The following AKAP6 variants were observed in gnomAD, a reference collection of about 807,000 sequenced individuals.
AKAP6 encodes the protein A-kinase anchoring protein 6.
A neutral mutation model predicts 188.5 loss-of-function variants in AKAP6; 58 were observed. The observed-to-expected ratio is 0.31, with a 90% CI of 0.25 to 0.38. The LOEUF is 0.38. AKAP6 is among the 10% of genes least tolerant of loss of function. AKAP6 has a pLI of 1.00. For missense variants in AKAP6, 2,710 were observed against 2,740.0 expected, an observed-to-expected ratio of 0.99 and a Z score of 0.24; for synonymous variants, 989 against 998.6, an observed-to-expected ratio of 0.99 and a Z score of 0.18.
At chr14:32,748,221 T>C (rs531157547) in intron 11 of AKAP6, among the ~76,000 whole-genome samples, 7 of 152,234 alleles carry the variant, frequency 4.6e-5, no homozygotes, top group Non-Finnish European at 1.0e-4. Context: ...ATGGGAACAG[T>C]GAATCTGATC....
intron 7 of AKAP6, among the ~76,000 whole-genome samples, chr14:32,666,611 A>G (rs1321452968): frequency 3.3e-5 from 5 of 152,064 alleles, no homozygotes; most frequent in Non-Finnish European, 7.4e-5. Context: ...ATCCAGGGGT[A>G]TATCATTCTT....
intron 1 of AKAP6, chr14:32,401,927 C>T (rs1889105073): frequency 6.6e-6 from 1 of 151,144 alleles, no homozygotes; most frequent in African/African-American, 2.4e-5. Context: ...GTTGAACTAG[C>T]TTAGCACCTC....
At chr14:32,593,011 AACACACACACACACACACACACACACAC>A (rs60277036) in intron 5 of AKAP6, among the ~76,000 whole-genome samples, 1 of 123,800 alleles carries the variant, frequency 8.1e-6, no homozygotes, top group Non-Finnish European at 1.7e-5. Flanking sequence ...CCCCCACCCC[AACACACACACACACACACACACACACAC>A]ACACACACAC....
At chr14:32,790,413 A>C (rs2033571909) in intron 12 of AKAP6, among the ~76,000 whole-genome samples, 1 of 152,124 alleles carries the variant, frequency 6.6e-6, no homozygotes, top group Non-Finnish European at 1.5e-5. Flanking sequence ...CCCAAGACAC[A>C]TAATCATCAG....
At chr14:32,521,499 C>CA (rs1200806872) in intron 2 of AKAP6, among the ~76,000 whole-genome samples, 1 of 152,186 alleles carries the variant, frequency 6.6e-6, no homozygotes, top group Non-Finnish European at 1.5e-5. Context: ...TCTCAGGATA[C>CA]AAAATCAATG....
chr14:32,515,535 T>C (rs1881477142), intron 2 of AKAP6, among the ~76,000 whole-genome samples: 1 of 151,862 alleles, frequency 6.6e-6, no homozygotes, highest in Admixed American at 6.6e-5. Context: ...ATGGGTGGAG[T>C]ACACAAAATA....
Position 32,329,384 on chromosome 14 carries a change from A to G in AKAP6, c.-59A>G, listed in dbSNP as rs1886458716. The G allele has an allele frequency of 2.0e-5, 3 of 152,144 alleles. No homozygotes were observed. Among genetic ancestry groups the G allele is most frequent in the African/African-American group, 7.2e-5 (3 of 41,446 alleles). 9.4% of individuals were successfully genotyped at this position (152,144 alleles called of 1,614,324 possible). A position where few individuals can be genotyped will look rare whatever the true frequency, so the allele number is the denominator to read the frequency against. ...CCTACAGATGTGCTGTAAACATCAA[A>G]AGAAGACGGTGGGATCAGGAGATGG... On this transcript the variant is annotated 5_prime_UTR_variant, in exon 1 of 14. Transcript: ENST00000280979.
intron 9 of AKAP6, among the ~76,000 whole-genome samples, chr14:32,730,032 A>G (rs1047046852): frequency 6.6e-6 from 1 of 152,188 alleles, no homozygotes; most frequent in African/African-American, 2.4e-5. Context: ...AAAGATGTTA[A>G]GAGACAGAAG....
intron 2 of AKAP6, chr14:32,438,645 A>G (rs1890467484): frequency 6.6e-6 from 1 of 152,208 alleles, no homozygotes; most frequent in Non-Finnish European, 1.5e-5. Context: ...TTAAAACTGA[A>G]AATGAAACCT....
rs71115086 is a variant in AKAP6 at position 32,615,167 on chromosome 14, C to CAAAAAAAAAAAAAAAAAAA, written c.2730+14376_2730+14394dup. Among the ~76,000 whole-genome samples, 314 of 53,442 alleles carry CAAAAAAAAAAAAAAAAAAA rather than the reference C, an allele frequency of 5.9e-3. 50 individuals are homozygous for CAAAAAAAAAAAAAAAAAAA. The highest frequency in any genetic ancestry group is 0.014 in the African/African-American group (150 of 10,446). The allele number at this position is 53,442 out of a possible 152,430, so 35.1% of individuals were successfully genotyped here. The stretch of plus-strand genomic sequence containing the variant: ...CTGGCAACAGAGCAAGACTCTGTCT[C>CAAAAAAAAAAAAAAAAAAA]AAAAAAAAAAAAAAAAAAAGATAAA... On this transcript the variant is annotated intron_variant, in intron 7 of 13. Coordinates refer to ENST00000280979, the MANE Select transcript of AKAP6 (RefSeq NM_004274.5).
chr14:32,347,951 T>C (rs1312858982), intron 1 of AKAP6, among the ~76,000 whole-genome samples: 1 of 152,250 alleles, frequency 6.6e-6, no homozygotes, highest in Non-Finnish European at 1.5e-5. Context: ...GCTTTAGTTC[T>C]TATAACTCTT....
chr14:32,556,248 A>G (rs888377347), intron 4 of AKAP6, among the ~76,000 whole-genome samples: 5 of 152,178 alleles, frequency 3.3e-5, no homozygotes, highest in African/African-American at 1.2e-4. Flanking sequence ...GGCTATTTGT[A>G]TATCATCTTT....
At chr14:32,816,870 G>C (rs750620894) in intron 12 of AKAP6, among the ~76,000 whole-genome samples, 1 of 152,032 alleles carries the variant, frequency 6.6e-6, no homozygotes, top group Non-Finnish European at 1.5e-5. Flanking sequence ...ATGTGGTACT[G>C]CCCAATAAAC....
chr14:32,714,962 A>G (rs770300897), intron 9 of AKAP6, among the ~76,000 whole-genome samples: 26 of 151,920 alleles, frequency 1.7e-4, no homozygotes, highest in Non-Finnish European at 3.7e-4. Flanking sequence ...TCACGTTTGA[A>G]TTCGAAGTCT....
intron 1 of AKAP6, among the ~76,000 whole-genome samples, chr14:32,394,390 G>T (rs759703880): frequency 2.0e-5 from 3 of 152,134 alleles, no homozygotes; most frequent in Non-Finnish European, 2.9e-5. Context: ...GGGAGATAAA[G>T]GTCCAAAACT....
At chr14:32,806,493 A>G (rs2034092830) in intron 12 of AKAP6, among the ~76,000 whole-genome samples, 1 of 152,070 alleles carries the variant, frequency 6.6e-6, no homozygotes, top group African/African-American at 2.4e-5. Flanking sequence ...TCTGAGCAAC[A>G]TGGCAAAACC....
Position 32,823,329 on chromosome 14 carries a change from C to G in AKAP6, c.5516C>G (p.Pro1839Arg). 6.2e-7 allele frequency: 1 copy of G among 1,613,754 alleles called. No homozygotes were observed. The highest frequency in any genetic ancestry group is 2.2e-5 in the East Asian group (1 of 44,866). The stretch of plus-strand genomic sequence containing the variant: ...ATAAGTAGCAGTGAGATGACCAATC[C>G]CTCTGATACTCTGAATATTGAGACC... ...KDISSSEMTN[P>R]SDTLNIETLL... The change falls in exon 13 of 14, where the codon CCC becomes CGC. Residue 1839 changes from proline (P) to arginine (R), a missense_variant. Physicochemically the swap from Pro to Arg is moderately radical, Grantham distance 103 (BLOSUM62 -2). Around this residue, in one of 2 missense-constraint regions of AKAP6, gnomAD observed 2,473 missense variants for 2,426.1 expected, o/e 1.02. Coordinates refer to ENST00000280979, the MANE Select transcript of AKAP6 (RefSeq NM_004274.5).
intron 1 of AKAP6, among the ~76,000 whole-genome samples, chr14:32,345,127 A>G (rs552251332): frequency 4.6e-5 from 7 of 152,210 alleles, no homozygotes; most frequent in African/African-American, 1.7e-4. Context: ...CATAGAAGGG[A>G]TTTTAGGGCC....
At chr14:32,482,855 G>GT in intron 2 of AKAP6, among the ~76,000 whole-genome samples, 1 of 152,004 alleles carries the variant, frequency 6.6e-6, no homozygotes, top group Non-Finnish European at 1.5e-5. Context: ...ATTAATGGAG[G>GT]TTTTATGTTA....
Sources: gnomAD v4.1 joint callset for allele counts (sites outside exome capture counted in the v4.1 genomes callset) on GRCh38, gnomAD v4.1.1 for gene constraint, gnomAD v4.1.1 regional missense constraint, MANE v1.5 for transcripts, NCBI Gene and HGNC (gene_info 2026-07-23, HGNC 2026-07-21) for gene names.